The following SLCO6A1 variants were observed in gnomAD, a reference collection of about 807,000 sequenced individuals.
The protein encoded by SLCO6A1 is cancer/testis antigen 48.
Under a neutral mutation model 72.7 loss-of-function variants are expected in SLCO6A1, and 65 were observed. The ratio of observed to expected loss-of-function variants is 0.89; its 90% CI spans 0.73 to 1.10. The LOEUF (loss-of-function observed/expected upper bound fraction) is 1.10, where lower values mean the gene tolerates loss of function less well. SLCO6A1 is among the 50% of genes least tolerant of loss of function. The probability of loss-of-function intolerance (pLI) is 0.00; values close to 1 mark genes in which losing one functional copy is unlikely to be tolerated. For missense variants in SLCO6A1, 874 were observed against 872.6 expected (o/e 1.00, Z -0.02); for synonymous variants, 314 against 298.2 (o/e 1.05, Z -0.55).
intron 12 of SLCO6A1, among the ~76,000 whole-genome samples, chr5:102,384,123 A>G (rs998755287): frequency 2.6e-5 from 4 of 151,758 alleles, no homozygotes; most frequent in African/African-American, 4.8e-5. Flanking sequence ...TTTAGCAAAA[A>G]TCCAACTCTT....
At chr5:102,488,310 G>T (rs1044998611) in intron 1 of SLCO6A1, among the ~76,000 whole-genome samples, 10 of 152,092 alleles carry the variant, frequency 6.6e-5, no homozygotes, top group African/African-American at 2.4e-4. Flanking sequence ...TATATATCAG[G>T]TGAGCAAAAA....
intron 4 of SLCO6A1, among the ~76,000 whole-genome samples, chr5:102,464,542 A>G (rs1489209811): frequency 2.6e-5 from 4 of 152,164 alleles, no homozygotes; most frequent in Non-Finnish European, 4.4e-5. Context: ...GACATAAGGA[A>G]AGTTTAAAGA....
At position 102,424,228 on chromosome 5, in the gene SLCO6A1, A is replaced by G. The variant is rs559749027; in HGVS notation, c.1277-4207T>C. Among the ~76,000 whole-genome samples, 3 of 152,294 alleles carry G rather than the reference A, an allele frequency of 2.0e-5. No individual in the cohort carries two copies. The South Asian group carries it at 6.2e-4, about 32-fold the overall frequency. On this transcript the variant is annotated intron_variant, in intron 7 of 13. Coordinates refer to ENST00000506729, the MANE Select transcript of SLCO6A1 (RefSeq NM_173488.5). ...TGAAAAGAACTAGAGAAGCAAGAGC[A>G]AAAACATTCAAAAGCTAGCAGAAGA...
Position 102,399,580 on chromosome 5 carries a change from C to CACCAGAAAA in SLCO6A1, c.1780_1788dup (p.Phe594_Gly596dup). The CACCAGAAAA allele has an allele frequency of 1.9e-6, 3 of 1,575,864 alleles. No homozygotes were observed. The highest frequency in any genetic ancestry group is 2.6e-6 in the Non-Finnish European group (3 of 1,157,968). ...CGCGTCATGGCCAAGACGATTGGTA[C>CACCAGAAAA]ACCAGAAAAACCAGAAAATATAAGT... On this transcript the variant is annotated inframe_insertion, in exon 10 of 14. Transcript: ENST00000506729.
At chr5:102,497,147 T>C (rs1210854963) in intron 1 of SLCO6A1, among the ~76,000 whole-genome samples, 1 of 152,116 alleles carries the variant, frequency 6.6e-6, no homozygotes, top group African/African-American at 2.4e-5. Context: ...GTAAAGAATC[T>C]TGATGTAATA....
intron 6 of SLCO6A1, among the ~76,000 whole-genome samples, chr5:102,442,448 G>A (rs182072668): frequency 1.8e-4 from 27 of 152,164 alleles, no homozygotes; most frequent in East Asian, 1.4e-3. Context: ...TACATGTAAT[G>A]GTTTAATACA....
chr5:102,424,887 C>T (rs915279420), intron 7 of SLCO6A1, among the ~76,000 whole-genome samples: 13 of 151,726 alleles, frequency 8.6e-5, no homozygotes, highest in African/African-American at 2.7e-4. Context: ...ACTGGCAAAC[C>T]GAATCAAGCA....
intron 9 of SLCO6A1, among the ~76,000 whole-genome samples, chr5:102,402,660 C>T (rs1747464689): frequency 6.6e-6 from 1 of 152,128 alleles, no homozygotes; most frequent in African/African-American, 2.4e-5. Context: ...GAGGGCCAAA[C>T]TGTTTTTATA....
intron 2 of SLCO6A1, among the ~76,000 whole-genome samples, chr5:102,479,213 G>A (rs895569237): frequency 6.6e-5 from 10 of 152,052 alleles, no homozygotes; most frequent in African/African-American, 2.4e-4. Context: ...TTGAAAGTGT[G>A]TAACACTCCC....
intron 12 of SLCO6A1, among the ~76,000 whole-genome samples, chr5:102,385,686 TTTTG>T (rs1236541780): frequency 6.6e-6 from 1 of 152,058 alleles, no homozygotes; most frequent in Non-Finnish European, 1.5e-5. Context: ...TGTATTCTCA[TTTTG>T]TTTGTGTATT....
intron 7 of SLCO6A1, among the ~76,000 whole-genome samples, chr5:102,429,648 GTTCCATT>G (rs1360585700): frequency 1.2e-4 from 19 of 152,124 alleles, no homozygotes; most frequent in African/African-American, 4.3e-4. Flanking sequence ...TGTCTATTCT[GTTCCATT>G]GGTCTATGTG....
At chr5:102,383,251 T>C (rs1746225413) in intron 12 of SLCO6A1, among the ~76,000 whole-genome samples, 1 of 151,350 alleles carries the variant, frequency 6.6e-6, no homozygotes, top group South Asian at 2.1e-4. Context: ...TAGAAGTGGA[T>C]AGAGCAGATA....
chr5:102,409,768 A>G (rs1206084780), intron 9 of SLCO6A1, among the ~76,000 whole-genome samples: 1 of 152,200 alleles, frequency 6.6e-6, no homozygotes, highest in Non-Finnish European at 1.5e-5. Flanking sequence ...TACTCCTTAG[A>G]GAAATATAAA....
At chr5:102,479,669 A>G (rs143606875) in intron 2 of SLCO6A1, among the ~76,000 whole-genome samples, 1 of 152,182 alleles carries the variant, frequency 6.6e-6, no homozygotes, top group Non-Finnish European at 1.5e-5. Flanking sequence ...GCTCTCTTTC[A>G]AATCATGCAA....
At chr5:102,398,832 T>G (rs1230812158) in intron 10 of SLCO6A1, among the ~76,000 whole-genome samples, 1 of 152,084 alleles carries the variant, frequency 6.6e-6, no homozygotes, top group Non-Finnish European at 1.5e-5. Context: ...CGCCTGCTTG[T>G]ATCATGAGAA....
At chr5:102,449,427 C>T (rs1036884911) in intron 6 of SLCO6A1, among the ~76,000 whole-genome samples, 2 of 150,996 alleles carry the variant, frequency 1.3e-5, no homozygotes, top group Admixed American at 1.3e-4. Context: ...CGCTCTGTTG[C>T]CCAGGCTGGA....
At chr5:102,436,676 T>C (rs1487190360) in intron 7 of SLCO6A1, among the ~76,000 whole-genome samples, 1 of 152,170 alleles carries the variant, frequency 6.6e-6, no homozygotes, top group Admixed American at 6.5e-5. Flanking sequence ...GATAATTTCA[T>C]GGACTGCAGC....
chr5:102,472,385 C>G (rs1434407033), intron 4 of SLCO6A1, among the ~76,000 whole-genome samples: 1 of 152,020 alleles, frequency 6.6e-6, no homozygotes, highest in Non-Finnish European at 1.5e-5. Flanking sequence ...AACTATTCTT[C>G]GTTATCTCAG....
chr5:102,412,638 G>A (rs974132), intron 9 of SLCO6A1, among the ~76,000 whole-genome samples: 71,705 of 151,740 alleles, frequency 0.47, 18,656 homozygotes, highest in Non-Finnish European at 0.57. Flanking sequence ...GTGTGCGCCT[G>A]TAGTTTCAAC....
Sources: allele counts gnomAD v4.1 joint callset (sites outside exome capture counted in the v4.1 genomes callset), GRCh38; gene constraint gnomAD v4.1.1; transcripts MANE v1.5; gene names NCBI Gene and HGNC (gene_info 2026-07-23, HGNC 2026-07-21).